TACC2: variants seen among roughly 807,000 people sequenced by gnomAD.
TACC2 encodes transforming acidic coiled-coil-containing protein 2.
In TACC2, 137 loss-of-function variants were observed where a neutral mutation model predicts 227.3. The observed-to-expected ratio is 0.60, with a 90% CI of 0.52 to 0.69. The LOEUF is 0.69. Among genes scored for constraint, TACC2 ranks in the 30% least tolerant of loss-of-function variants. The pLI, the probability that TACC2 is intolerant of heterozygous loss-of-function variation, is 0.00. For synonymous variants in TACC2, 1,523 were observed against 1,487.5 expected (o/e 1.02, Z -0.55); for missense variants, 3,470 against 3,694.4 (o/e 0.94, Z 1.57).
At chr10:122,123,393 A>G (rs559940834) in intron 5 of TACC2, among the ~76,000 whole-genome samples, 1 of 152,250 alleles carries the variant, frequency 6.6e-6, no homozygotes, top group African/African-American at 2.4e-5. Flanking sequence ...CCCATTTTCC[A>G]GATCCAGAAG....
chr10:122,129,978 T>G (rs942816827), intron 5 of TACC2, among the ~76,000 whole-genome samples: 2 of 152,160 alleles, frequency 1.3e-5, no homozygotes, highest in African/African-American at 4.8e-5. Flanking sequence ...GGCTGAACAT[T>G]GGGTTGAAGC....
In TACC2 at chr10:122,211,561, AC is replaced by A; in HGVS notation, c.7140del (p.Phe2381LeufsTer35). ...FDPDTCDESV[D>X]PFKTSSKTPS... ...CCAGACACCTGTGATGAGTCCGTTG[AC>A]CCCTTTAAGACATCCTCTAAGACCC... On this transcript the variant is annotated frameshift_variant, in exon 9 of 23. Coordinates refer to ENST00000369005, the MANE Select transcript of TACC2 (RefSeq NM_206862.4). LOFTEE classifies it high-confidence loss of function. The A allele has an allele frequency of 6.2e-7, 1 of 1,613,922 alleles. No individual in the cohort carries two copies. Among genetic ancestry groups the A allele is most frequent in the Non-Finnish European group, 8.5e-7 (1 of 1,179,984 alleles).
chr10:122,176,691 C>T (rs980197759), intron 7 of TACC2, among the ~76,000 whole-genome samples: 6 of 152,224 alleles, frequency 3.9e-5, no homozygotes, highest in African/African-American at 1.4e-4. Flanking sequence ...AGATTAGTCA[C>T]AGCAAGTCAG....
At chr10:122,020,312 T>TTGTGTG (rs10556316) in intron 1 of TACC2, among the ~76,000 whole-genome samples, 156 of 150,558 alleles carry the variant, frequency 1.0e-3, no homozygotes, top group African/African-American at 3.4e-3. Flanking sequence ...GAGCATGTGA[T>TTGTGTG]TGTGTGTGTG....
intron 14 of TACC2, 57 bp downstream of exon 14, chr10:122,228,065 A>G (rs1030805298): frequency 1.1e-5 from 17 of 1,548,250 alleles, no homozygotes; most frequent in Non-Finnish European, 1.5e-5. Context: ...CCAGCTGCGT[A>G]TTGTCACCAA....
chr10:122,216,950 G>T (rs754494042), intron 11 of TACC2, 122 bp downstream of exon 11: 6 of 1,553,326 alleles, frequency 3.9e-6, no homozygotes, highest in Non-Finnish European at 5.2e-6. Context: ...TTGTGAGATC[G>T]TCTGCACGTC....
At position 122,050,146 on chromosome 10, in the gene TACC2, A is replaced by G. The variant is rs140515449; in HGVS notation, c.34-292A>G. ...TTCTCCTAGGGAGCAAGTGACCCCA[A>G]AGTGTGGTAGGTGTCCCCAGTTTTG... On this transcript the variant is annotated intron_variant, in intron 2 of 22. Transcript: ENST00000369005. The surrounding 1 kb of genome is among the most constrained non-coding windows in gnomAD (Gnocchi z 4.6). Among the ~76,000 whole-genome samples the G allele has an allele frequency of 3.1e-3, 475 of 152,268 alleles. 5 individuals carry two copies. The highest frequency in any genetic ancestry group is 0.011 in the African/African-American group (442 of 41,554).
At chr10:122,240,879 G>C (rs17103258) in intron 18 of TACC2, among the ~76,000 whole-genome samples, 2,300 of 152,294 alleles carry the variant, frequency 0.015, 56 homozygotes, top group African/African-American at 0.048. Flanking sequence ...ACAAACAGGG[G>C]ATCTTAGTGC....
At chr10:122,213,979 G>T (rs2095349367) in intron 9 of TACC2, among the ~76,000 whole-genome samples, 1 of 152,208 alleles carries the variant, frequency 6.6e-6, no homozygotes, top group Admixed American at 6.5e-5. Context: ...GTGTCGGCAT[G>T]CCTTGTCTGC....
At chr10:122,176,125 A>C (rs1434106329) in intron 7 of TACC2, among the ~76,000 whole-genome samples, 1,251 of 104,508 alleles carry the variant, frequency 0.012, 5 homozygotes, top group Admixed American at 0.019. Flanking sequence ...CTCTATATAT[A>C]TATATATATA....
chr10:121,990,639 C>A (rs1952989759), intron 1 of TACC2, among the ~76,000 whole-genome samples: 1 of 152,134 alleles, frequency 6.6e-6, no homozygotes, highest in South Asian at 2.1e-4. Context: ...TAGTCTAATG[C>A]CCCTCTGCCC....
chr10:122,207,753 G>A (rs2095170017), intron 8 of TACC2, among the ~76,000 whole-genome samples: 1 of 152,254 alleles, frequency 6.6e-6, no homozygotes, highest in Admixed American at 6.5e-5. Context: ...GCAATGAGCA[G>A]ATGGTTAAGC....
intron 2 of TACC2, among the ~76,000 whole-genome samples, chr10:122,049,513 T>C (rs1401981633): frequency 5.9e-5 from 9 of 152,188 alleles, no homozygotes; most frequent in African/African-American, 2.2e-4. Context: ...ACCTCAGGGA[T>C]GGAGGGTATG....
At chr10:122,046,933 G>T (rs2075072645) in intron 2 of TACC2, among the ~76,000 whole-genome samples, 1 of 152,078 alleles carries the variant, frequency 6.6e-6, no homozygotes, top group South Asian at 2.1e-4. Flanking sequence ...CACTCACTCA[G>T]TATTGTTAAT....
chr10:122,135,288 C>T (rs2089375233), intron 6 of TACC2, among the ~76,000 whole-genome samples: 3 of 152,138 alleles, frequency 2.0e-5, no homozygotes, highest in Non-Finnish European at 4.4e-5. Context: ...CTCTCTAGTC[C>T]AAGGAAGGTA....
intron 3 of TACC2, among the ~76,000 whole-genome samples, chr10:122,062,459 A>C (rs1421146748): frequency 7.2e-6 from 1 of 139,356 alleles, no homozygotes; most frequent in Non-Finnish European, 1.5e-5. Context: ...ATGCGCCACC[A>C]CGTCCGGCTA....
chr10:122,042,275 C>CT (rs2074389733), intron 2 of TACC2, among the ~76,000 whole-genome samples: 1 of 152,102 alleles, frequency 6.6e-6, no homozygotes, highest in Non-Finnish European at 1.5e-5. Context: ...GAGAGTCTCA[C>CT]TCTGTCGCCC....
At chr10:122,043,610 C>A (rs2074622015) in intron 2 of TACC2, among the ~76,000 whole-genome samples, 2 of 149,362 alleles carry the variant, frequency 1.3e-5, no homozygotes, top group African/African-American at 2.5e-5. Context: ...CTTACAGAGT[C>A]TCACTCTGTT....
chr10:122,203,050 T>C (rs965462871), intron 8 of TACC2, among the ~76,000 whole-genome samples: 2 of 152,090 alleles, frequency 1.3e-5, no homozygotes, highest in African/African-American at 2.4e-5. Flanking sequence ...AAGTCTCCCA[T>C]GTCTACCTCT....
Sources: gnomAD v4.1 joint callset for allele counts (sites outside exome capture counted in the v4.1 genomes callset) on GRCh38, gnomAD v4.1.1 for gene constraint, Gnocchi (gnomAD v3.1) non-coding constraint, MANE v1.5 for transcripts, NCBI Gene and HGNC (gene_info 2026-07-23, HGNC 2026-07-21) for gene names.